COG7: variants seen among roughly 807,000 people sequenced by gnomAD.
The protein encoded by COG7 is component of oligomeric golgi complex 7.
In COG7, 49 loss-of-function variants were observed where a neutral mutation model predicts 91.5. The observed-to-expected ratio is 0.54, with a 90% CI of 0.43 to 0.68. The LOEUF is 0.68. COG7 is among the 30% of genes least tolerant of loss of function. The probability of loss-of-function intolerance (pLI) is 0.00; values close to 1 mark genes in which losing one functional copy is unlikely to be tolerated. For synonymous variants in COG7, 365 were observed against 388.7 expected (o/e 0.94, Z 0.72); for missense variants, 895 against 961.3 (o/e 0.93, Z 0.91).
At chr16:23,422,591 T>C (rs1723623060) in intron 7 of COG7, among the ~76,000 whole-genome samples, 1 of 151,308 alleles carries the variant, frequency 6.6e-6, no homozygotes, top group South Asian at 2.1e-4. Context: ...CAATGTATAT[T>C]TATATTTGTA....
intron 7 of COG7, 141 bp downstream of exon 7, chr16:23,424,601 GCCCTCCA>G: frequency 1.2e-6 from 1 of 807,994 alleles, no homozygotes; most frequent in Non-Finnish European, 2.1e-6. Flanking sequence ...TCATGGAAAA[GCCCTCCA>G]CATCTGCTGA....
Position 23,417,008 on chromosome 16 carries a change from C to A in COG7, c.1251G>T (p.Gly417=), listed in dbSNP as rs1230889916. 4 of 1,614,096 alleles carry A rather than the reference C, an allele frequency of 2.5e-6. No individual in the cohort carries two copies. In the Admixed American group the frequency reaches 5.0e-5, roughly 20 times the overall value. Residue 417 remains glycine (G), a synonymous_variant, in exon 9 of 17, where the codon GGG becomes GGT. Transcript: ENST00000307149. ...TCAGGGCTGACAACAGGCCGCAGGT[C>A]CCCAGGCCATTGGTGAATCTGACGC... The part of the protein sequence containing the change: ...DRCVRFTNGL[G]TCGLLSALKS...
intron 13 of COG7, among the ~76,000 whole-genome samples, chr16:23,400,484 C>G (rs989236905): frequency 6.6e-6 from 1 of 152,050 alleles, no homozygotes; most frequent in African/African-American, 2.4e-5. Context: ...ATGTGCAGGG[C>G]GAAGACAAGC....
chr16:23,434,570 G>T, intron 5 of COG7, 66 bp downstream of exon 5: 2 of 1,207,504 alleles, frequency 1.7e-6, no homozygotes, highest in Non-Finnish European at 2.5e-6. Context: ...ATGAACCTGC[G>T]ATTCTGTGAC....
intron 16 of COG7, among the ~76,000 whole-genome samples, chr16:23,391,451 G>A (rs1233243897): frequency 6.6e-6 from 1 of 152,212 alleles, no homozygotes; most frequent in Admixed American, 6.5e-5. Flanking sequence ...TATGAAATGA[G>A]CAGGGGTCAG....
At chr16:23,409,325 C>T (rs1334752851) in intron 11 of COG7, among the ~76,000 whole-genome samples, 1 of 152,136 alleles carries the variant, frequency 6.6e-6, no homozygotes, top group East Asian at 1.9e-4. Flanking sequence ...TTGTGATTTA[C>T]GGGCTGAGTA....
chr16:23,430,748 C>T (rs1245363683), intron 6 of COG7, among the ~76,000 whole-genome samples: 2 of 151,990 alleles, frequency 1.3e-5, no homozygotes, highest in African/African-American at 2.4e-5. Context: ...ACCATGTTAG[C>T]CAGGCTGGTC....
chr16:23,391,345 G>T (rs1263891130), intron 16 of COG7, among the ~76,000 whole-genome samples: 1 of 152,178 alleles, frequency 6.6e-6, no homozygotes, highest in Non-Finnish European at 1.5e-5. Flanking sequence ...TACTAACAGG[G>T]AACACCAACA....
chr16:23,429,109 C>A (rs1379547695), intron 6 of COG7, among the ~76,000 whole-genome samples: 1 of 152,130 alleles, frequency 6.6e-6, no homozygotes, highest in African/African-American at 2.4e-5. Flanking sequence ...CCCACCTCAG[C>A]CTCCTGAGTT....
At chr16:23,389,228 A>G (rs1460888218) in intron 16 of COG7, 142 bp from the exon 17 acceptor site, 4 of 921,302 alleles carry the variant, frequency 4.3e-6, no homozygotes, top group South Asian at 1.5e-5. Context: ...CCTGCCCTCA[A>G]TAGGCCCTTT....
chr16:23,443,889 C>T (rs999225188), intron 3 of COG7, among the ~76,000 whole-genome samples: 6 of 152,018 alleles, frequency 3.9e-5, no homozygotes, highest in South Asian at 2.1e-4. Flanking sequence ...TGGTGACTCA[C>T]GCCTGTAATC....
Position 23,424,964 on chromosome 16 carries a change from GTGT to G in COG7, c.811-20_811-18del. On this transcript the variant is annotated intron_variant, in intron 6 of 16. Coordinates refer to ENST00000307149, the MANE Select transcript of COG7 (RefSeq NM_153603.4). ...CTGGAAAACCTGCAGTGAGAGAGAG[GTGT>G]ACCTGCCTTAGCACATGGAGCCAAA... The G allele has an allele frequency of 1.6e-5, 22 of 1,409,166 alleles. No individual in the cohort carries two copies. Among genetic ancestry groups the G allele is most frequent in the Non-Finnish European group, 2.0e-5 (20 of 1,004,602 alleles). 87.3% of individuals were successfully genotyped at this position (1,409,166 alleles called of 1,614,324 possible). A position where few individuals can be genotyped will look rare whatever the true frequency, so the allele number is the denominator to read the frequency against.
chr16:23,392,415 C>A lies in COG7; in HGVS notation c.2111G>T (p.Ser704Ile). Residue 704 changes from serine (S) to isoleucine (I), a missense_variant, in exon 16 of 17, where the codon AGC becomes ATC. Coordinates refer to ENST00000307149, the MANE Select transcript of COG7 (RefSeq NM_153603.4). ...CDAILQIPEL[S>I]PHSAKQLATD... ...GGCCAGCTGCTTGGCAGAGTGTGGG[C>A]TCAGCTCAGGGATCTGTAGGATCGC... is the stretch of plus-strand genomic sequence containing the variant. The A allele has an allele frequency of 6.2e-7, 1 of 1,614,162 alleles. No homozygotes were observed. Among genetic ancestry groups the A allele is most frequent in the South Asian group, 1.1e-5 (1 of 91,088 alleles).
chr16:23,391,936 G>T, intron 16 of COG7: 1 of 1,009,430 alleles, frequency 9.9e-7, no homozygotes, highest in Non-Finnish European at 1.2e-6. Flanking sequence ...GTTCCCTATC[G>T]GTATGATGGA....
chr16:23,441,181 AC>A (rs1352940849), intron 4 of COG7, among the ~76,000 whole-genome samples: 1 of 152,236 alleles, frequency 6.6e-6, no homozygotes, highest in East Asian at 1.9e-4. Flanking sequence ...CTGAAAAAGA[AC>A]CTAGAGAAGT....
intron 7 of COG7, 112 bp downstream of exon 7, chr16:23,424,637 C>A (rs1011017760): frequency 8.8e-7 from 1 of 1,130,756 alleles, no homozygotes; most frequent in South Asian, 1.3e-5. Context: ...ACACCGATCC[C>A]TTCCATTTCT....
intron 1 of COG7, 55 bp from the exon 2 acceptor site, chr16:23,446,016 G>C (rs1964177341): frequency 1.5e-5 from 23 of 1,582,862 alleles, no homozygotes; most frequent in Non-Finnish European, 1.9e-5. Context: ...CACAAAAGGT[G>C]AAAGTTGGAC....
chr16:23,446,209 C>T (rs1335616582), intron 1 of COG7, among the ~76,000 whole-genome samples: 1 of 152,154 alleles, frequency 6.6e-6, no homozygotes, highest in Non-Finnish European at 1.5e-5. Flanking sequence ...AAAGAATCAA[C>T]AATCAACCTG....
chr16:23,440,423 T>G (rs1199415464), intron 4 of COG7, among the ~76,000 whole-genome samples: 2 of 150,378 alleles, frequency 1.3e-5, no homozygotes, highest in African/African-American at 2.4e-5. Flanking sequence ...AAAGGGAGGT[T>G]GGCAGAGCTA....
Sources: allele counts gnomAD v4.1 joint callset (sites outside exome capture counted in the v4.1 genomes callset), GRCh38; gene constraint gnomAD v4.1.1; transcripts MANE v1.5; gene names NCBI Gene and HGNC (gene_info 2026-07-23, HGNC 2026-07-21).